Variants in FAM53A observed in about 807,000 individuals in gnomAD.
FAM53A encodes the protein family with sequence similarity 53 member A.
A neutral mutation model predicts 26.6 loss-of-function variants in FAM53A; 28 were observed. The ratio of observed to expected loss-of-function variants is 1.05; its 90% CI spans 0.78 to 1.45. The LOEUF is 1.45. FAM53A is among the 40% of genes most tolerant of loss of function. The probability of loss-of-function intolerance (pLI) is 0.00; values close to 1 mark genes in which losing one functional copy is unlikely to be tolerated. For synonymous variants in FAM53A, 290 were observed against 253.1 expected (o/e 1.15, Z -1.38); for missense variants, 650 against 575.8 (o/e 1.13, Z -1.32).
chr4:1,602,189 G>T, the FAM53A span, among the ~76,000 whole-genome samples: 4 of 152,226 alleles, frequency 2.6e-5, no homozygotes, highest in African/African-American at 9.6e-5. Context: ...GATGCAGGGG[G>T]GCCTGGCATA....
At chr4:1,653,936 C>G (rs576718402) in intron 4 of FAM53A, among the ~76,000 whole-genome samples, 1 of 152,344 alleles carries the variant, frequency 6.6e-6, no homozygotes, top group South Asian at 2.1e-4. Context: ...AGGCCCAGCC[C>G]ACCCGAGCAA....
At chr4:1,577,121 G>A in the FAM53A span, among the ~76,000 whole-genome samples, 1 of 152,192 alleles carries the variant, frequency 6.6e-6, no homozygotes, top group South Asian at 2.1e-4. Context: ...GTCTGAGGCT[G>A]TCCTCGTGGT....
chr4:1,626,459 T>A (rs1278054031), intron 1 of FAM53A, among the ~76,000 whole-genome samples: 1 of 151,764 alleles, frequency 6.6e-6, no homozygotes, highest in East Asian at 1.9e-4. Context: ...GAGGACCCAG[T>A]GTAGACTCTC....
chr4:1,634,900 C>CAA (rs57835658), downstream of FAM53A, among the ~76,000 whole-genome samples: 1,735 of 141,604 alleles, frequency 0.012, 38 homozygotes, highest in African/African-American at 0.043. Context: ...AACTCTGTCT[C>CAA]AAAAAAAAAA....
At chr4:1,681,736 C>T (rs971573463) in intron 1 of FAM53A, among the ~76,000 whole-genome samples, 1 of 151,704 alleles carries the variant, frequency 6.6e-6, no homozygotes. Flanking sequence ...CTCCTGGGCT[C>T]AAGTGATCCT....
the FAM53A span, among the ~76,000 whole-genome samples, chr4:1,599,385 G>C: frequency 6.6e-6 from 1 of 152,218 alleles, no homozygotes; most frequent in African/African-American, 2.4e-5. This position sits in a 1 kb window ranked among gnomAD's most constrained non-coding sequence, Gnocchi z 6.1. Context: ...CGGGGGCAGG[G>C]CATGGCACCT....
chr4:1,630,632 G>A lies in FAM53A; in HGVS notation c.432-12521C>T, dbSNP rs147217980. On this transcript the variant is annotated intron_variant, in intron 1 of 1. Coordinates refer to the FAM53A transcript ENST00000489029. The surrounding 1 kb of genome is among the most constrained non-coding windows in gnomAD (Gnocchi z 4.3). Reference sequence around the variant, plus strand: ...CACCGCCACTCCCAAGACAGGCCAGGAGCCTGCTCTAAACACCATCGTGGA... The same window carrying A: ...CACCGCCACTCCCAAGACAGGCCAGAAGCCTGCTCTAAACACCATCGTGGA... 4.6e-5 allele frequency among the ~76,000 whole-genome samples: 7 copies of A among 152,274 alleles called. No individual in the cohort carries two copies. Among genetic ancestry groups the A allele is most frequent in the African/African-American group, 1.7e-4 (7 of 41,538 alleles).
At chr4:1,682,406 GCA>G (rs1326008022) in intron 1 of FAM53A, among the ~76,000 whole-genome samples, 3 of 151,778 alleles carry the variant, frequency 2.0e-5, no homozygotes, top group African/African-American at 7.3e-5. Flanking sequence ...GGGATTACAG[GCA>G]CGCACCACCA....
At chr4:1,652,227 ACTAGTC>A in intron 4 of FAM53A, among the ~76,000 whole-genome samples, 1 of 125,250 alleles carries the variant, frequency 8.0e-6, no homozygotes, top group Admixed American at 7.8e-5. Context: ...CACCACACAC[ACTAGTC>A]GCACACACAC....
intron 4 of FAM53A, among the ~76,000 whole-genome samples, chr4:1,652,371 A>G (rs1459553977): frequency 2.9e-5 from 4 of 139,610 alleles, no homozygotes; most frequent in Non-Finnish European, 6.2e-5. Flanking sequence ...CGCACAACAC[A>G]CACAACACAC....
chr4:1,623,403 C>T (rs114667883), intron 1 of FAM53A, among the ~76,000 whole-genome samples: 1 of 150,668 alleles, frequency 6.6e-6, no homozygotes, highest in Non-Finnish European at 1.5e-5. Context: ...TTCCGGCCCC[C>T]GAGGGATGGC....
At chr4:1,654,113 T>C (rs1321495806) in intron 4 of FAM53A, among the ~76,000 whole-genome samples, 1 of 152,192 alleles carries the variant, frequency 6.6e-6, no homozygotes, top group African/African-American at 2.4e-5. Flanking sequence ...CGCCCCACCC[T>C]AGCCACAGCC....
chr4:1,604,811 A>G, the FAM53A span, among the ~76,000 whole-genome samples: 4 of 152,102 alleles, frequency 2.6e-5, no homozygotes. Context: ...AAAGCAAAGA[A>G]AACCCAGACC....
chr4:1,596,791 C>CAA, the FAM53A span, among the ~76,000 whole-genome samples: 1 of 151,766 alleles, frequency 6.6e-6, no homozygotes, highest in Non-Finnish European at 1.5e-5. Context: ...GAGAGAGAGA[C>CAA]AGAGACAGAG....
chr4:1,588,941 T>C, the FAM53A span, among the ~76,000 whole-genome samples: 1 of 152,382 alleles, frequency 6.6e-6, no homozygotes, highest in South Asian at 2.1e-4. Flanking sequence ...CTGCATATGA[T>C]GGCAGTGTGT....
chr4:1,603,380 A>G, the FAM53A span, among the ~76,000 whole-genome samples: 4 of 152,188 alleles, frequency 2.6e-5, no homozygotes, highest in Admixed American at 1.3e-4. Context: ...TGCAGGGCAG[A>G]AGGCAGAGCC....
chr4:1,682,240 G>A (rs1196968063), intron 1 of FAM53A, among the ~76,000 whole-genome samples: 3 of 148,330 alleles, frequency 2.0e-5, no homozygotes, highest in African/African-American at 7.4e-5. Flanking sequence ...TGCCAAAAGA[G>A]TTTATATAAA....
At chr4:1,624,621 G>A (rs1025603226) in intron 1 of FAM53A, among the ~76,000 whole-genome samples, 14 of 152,132 alleles carry the variant, frequency 9.2e-5, no homozygotes, top group Admixed American at 2.0e-4. Context: ...AACCCTCCGC[G>A]CAAACCAAAG....
chr4:1,682,658 T>C (rs931448298), intron 1 of FAM53A, among the ~76,000 whole-genome samples: 1 of 152,196 alleles, frequency 6.6e-6, no homozygotes, highest in Non-Finnish European at 1.5e-5. Context: ...TAAAAATGTG[T>C]ACTCTCTCGG....
Sources: allele counts gnomAD v4.1 joint callset (sites outside exome capture counted in the v4.1 genomes callset), GRCh38; gene constraint gnomAD v4.1.1; non-coding constraint Gnocchi (gnomAD v3.1); transcripts MANE v1.5; gene names NCBI Gene and HGNC (gene_info 2026-07-23, HGNC 2026-07-21).